The following MYO3B variants were observed in gnomAD, a reference collection of about 807,000 sequenced individuals.
The protein encoded by MYO3B is myosin-IIIb.
In MYO3B, 156 loss-of-function variants were observed where a neutral mutation model predicts 174.6. The ratio of observed to expected loss-of-function variants is 0.89; its 90% CI spans 0.78 to 1.02. The LOEUF is 1.02. Ranked by LOEUF, MYO3B falls within the 50% of genes least tolerant of loss-of-function variation. The pLI, the probability that MYO3B is intolerant of heterozygous loss-of-function variation, is 0.00. For missense variants in MYO3B, 1,632 were observed against 1,639.4 expected, an observed-to-expected ratio of 1.00 and a Z score of 0.08; for synonymous variants, 563 against 569.1, an observed-to-expected ratio of 0.99 and a Z score of 0.15.
At chr2:170,419,078 A>G (rs529897634) in intron 22 of MYO3B, among the ~76,000 whole-genome samples, 1 of 152,360 alleles carries the variant, frequency 6.6e-6, no homozygotes, top group African/African-American at 2.4e-5. Context: ...AAAGATGCAC[A>G]CATTAGATGA....
chr2:170,365,887 C>T (rs145269904), intron 8 of MYO3B, among the ~76,000 whole-genome samples: 127 of 152,226 alleles, frequency 8.3e-4, no homozygotes, highest in African/African-American at 2.8e-3. Context: ...GAGTTCAGAG[C>T]GTGCCCAACC....
At chr2:170,378,545 A>AT (rs1390690971) in intron 9 of MYO3B, among the ~76,000 whole-genome samples, 1 of 152,178 alleles carries the variant, frequency 6.6e-6, no homozygotes, top group East Asian at 1.9e-4. Flanking sequence ...ATTGGGGAAG[A>AT]TTTTTTACAA....
At chr2:170,303,117 C>T (rs938433030) in intron 7 of MYO3B, among the ~76,000 whole-genome samples, 29 of 152,104 alleles carry the variant, frequency 1.9e-4, no homozygotes, top group Admixed American at 1.7e-3. Context: ...TCCTTTATGG[C>T]TTTATAGTTT....
intron 32 of MYO3B, among the ~76,000 whole-genome samples, chr2:170,648,955 ATATATAAT>A (rs1698643771): frequency 1.0e-5 from 1 of 98,984 alleles, no homozygotes; most frequent in Non-Finnish European, 1.8e-5. Flanking sequence ...ATATAAAATA[ATATATAAT>A]GTATAATATA....
chr2:170,426,680 G>A (rs2094665027), intron 22 of MYO3B, among the ~76,000 whole-genome samples: 2 of 152,088 alleles, frequency 1.3e-5, no homozygotes, highest in African/African-American at 2.4e-5. Context: ...CAAGTCTTAC[G>A]CAGTAGCTGA....
intron 25 of MYO3B, among the ~76,000 whole-genome samples, chr2:170,472,528 C>T (rs1426277588): frequency 2.0e-5 from 3 of 152,118 alleles, no homozygotes; most frequent in African/African-American, 7.2e-5. Flanking sequence ...TTCTGTGATA[C>T]CCTCCTTGAC....
chr2:170,299,845 A>C (rs973502631), intron 7 of MYO3B, among the ~76,000 whole-genome samples: 4 of 152,264 alleles, frequency 2.6e-5, no homozygotes, highest in African/African-American at 9.6e-5. Flanking sequence ...GCTAGATCAC[A>C]GGAATAATTA....
intron 1 of MYO3B, among the ~76,000 whole-genome samples, chr2:170,185,910 A>G (rs975092397): frequency 2.6e-5 from 4 of 151,952 alleles, no homozygotes; most frequent in Non-Finnish European, 4.4e-5. Flanking sequence ...TGCAAATGGG[A>G]TTACTTTCTT....
chr2:170,329,129 G>A (rs2093891465), intron 7 of MYO3B, among the ~76,000 whole-genome samples: 1 of 149,788 alleles, frequency 6.7e-6, no homozygotes, highest in Non-Finnish European at 1.5e-5. Flanking sequence ...TCCATCCTGG[G>A]CGACTGAGTG....
At chr2:170,602,279 G>T (rs1694561425) in intron 32 of MYO3B, 2 of 749,638 alleles carry the variant, frequency 2.7e-6, no homozygotes, top group African/African-American at 3.4e-5. Flanking sequence ...TGCCCGTCCG[G>T]CTCTCACTTG....
chr2:170,537,187 C>T (rs1383356622), intron 30 of MYO3B, among the ~76,000 whole-genome samples: 22 of 124,490 alleles, frequency 1.8e-4, no homozygotes, highest in African/African-American at 9.4e-5. Context: ...GGTGACAGTG[C>T]GAGACTCTGT....
chr2:170,274,982 T>C (rs1178538814), intron 7 of MYO3B, among the ~76,000 whole-genome samples: 1 of 152,150 alleles, frequency 6.6e-6, no homozygotes, highest in African/African-American at 2.4e-5. Context: ...TTGCTTGACA[T>C]TATTCAAAAA....
At chr2:170,448,821 T>G (rs1378431152) in intron 23 of MYO3B, among the ~76,000 whole-genome samples, 3 of 151,916 alleles carry the variant, frequency 2.0e-5, no homozygotes, top group Admixed American at 1.3e-4. Flanking sequence ...AATTTTTCTC[T>G]CACGAGTCCC....
At position 170,236,277 on chromosome 2, in the gene MYO3B, G is replaced by T. The variant is rs541378227; in HGVS notation, c.749+141G>T. 354 of 969,064 alleles carry T rather than the reference G, an allele frequency of 3.7e-4. 3 individuals carry two copies. The South Asian group carries it at 5.2e-3, about 14-fold the overall frequency. 60.0% of individuals were successfully genotyped at this position (969,064 alleles called of 1,614,324 possible). ...AAATATATTTTCTTTGAAAAAGCAA[G>T]GGGGGCTGGGGGGGACAGAGAAGAG... On this transcript the variant is annotated intron_variant, in intron 7 of 34. Coordinates refer to ENST00000408978, the MANE Select transcript of MYO3B (RefSeq NM_138995.5).
chr2:170,417,104 T>G (rs931909035), intron 22 of MYO3B, among the ~76,000 whole-genome samples: 1 of 152,114 alleles, frequency 6.6e-6, no homozygotes, highest in African/African-American at 2.4e-5. Flanking sequence ...GATTATAGGC[T>G]TTTCCAGATC....
intron 5 of MYO3B, 68 bp from the exon 6 acceptor site, chr2:170,217,251 A>C: frequency 7.1e-7 from 1 of 1,399,690 alleles, no homozygotes; most frequent in African/African-American, 1.4e-5. Context: ...TTGTGGAAAA[A>C]GTCTGCCGAT....
chr2:170,631,864 A>G (rs944307120), intron 32 of MYO3B, among the ~76,000 whole-genome samples: 3 of 152,210 alleles, frequency 2.0e-5, no homozygotes, highest in Non-Finnish European at 2.9e-5. Flanking sequence ...CTCTGATAAA[A>G]CAGAGTTTAA....
In MYO3B at chr2:170,543,878, G is replaced by A. The variant is rs776233672; in HGVS notation, c.3637-14G>A. 1.9e-6 allele frequency: 3 copies of A among 1,605,374 alleles called. No individual in the cohort carries two copies. The African/African-American group carries it at 4.0e-5, about 21-fold the overall frequency. ...GGATAAGAATAATATTTCTCTTACT[G>A]GGTTTTTCTGAAGCACTCGGTTTCT... is the stretch of plus-strand genomic sequence containing the variant. On this transcript the variant is annotated splice_polypyrimidine_tract_variant and intron_variant, in intron 31 of 34. Transcript: ENST00000408978.
chr2:170,181,282 C>T (rs1340292780), intron 1 of MYO3B, among the ~76,000 whole-genome samples: 2 of 151,868 alleles, frequency 1.3e-5, no homozygotes, highest in African/African-American at 2.4e-5. Flanking sequence ...AAAATATTGA[C>T]CTTGTTTGTA....
Sources: gnomAD v4.1 joint callset for allele counts (sites outside exome capture counted in the v4.1 genomes callset) on GRCh38, gnomAD v4.1.1 for gene constraint, MANE v1.5 for transcripts, NCBI Gene and HGNC (gene_info 2026-07-23, HGNC 2026-07-21) for gene names.